PRR5L: variants seen among roughly 807,000 people sequenced by gnomAD.
PRR5L encodes proline rich 5 like, also known as proline-rich protein 5-like.
Under a neutral mutation model 36.4 loss-of-function variants are expected in PRR5L, and 21 were observed. That is an observed-to-expected ratio of 0.58 (90% confidence interval 0.41 to 0.83). The LOEUF is 0.83. PRR5L is among the 40% of genes least tolerant of loss of function. The pLI is 0.00. For missense variants in PRR5L, 381 were observed against 473.3 expected (o/e 0.80, Z 1.81); for synonymous variants, 188 against 197.0 (o/e 0.95, Z 0.38).
rs116673908 is a variant in PRR5L, at chr11:36,415,346, C to T, written c.246-3909C>T. Among the ~76,000 whole-genome samples the T allele has an allele frequency of 4.3e-3, 652 of 152,276 alleles. 6 individuals are homozygous for T. The highest frequency in any genetic ancestry group is 0.015 in the African/African-American group (622 of 41,552). ...CAAGCTGGCTAAAGTGTTGTGTTGC[C>T]TTACGTAATTTCCAGCAACAACTTC... On this transcript the variant is annotated intron_variant, in intron 3 of 8. Coordinates refer to ENST00000530639, the MANE Select transcript of PRR5L (RefSeq NM_001160167.2).
At chr11:36,369,425 G>C (rs564988948) in intron 1 of PRR5L, among the ~76,000 whole-genome samples, 1 of 152,080 alleles carries the variant, frequency 6.6e-6, no homozygotes, top group African/African-American at 2.4e-5. Flanking sequence ...CCCAGGACCA[G>C]TCACCTGATA....
chr11:36,401,339 A>T, intron 2 of PRR5L, 54 bp downstream of exon 2: 1 of 1,558,970 alleles, frequency 6.4e-7, no homozygotes, highest in Non-Finnish European at 8.7e-7. Context: ...CATGGCAGGG[A>T]GGGAGGCATC....
chr11:36,351,316 AT>A (rs1203457411), intron 1 of PRR5L, among the ~76,000 whole-genome samples: 12 of 73,280 alleles, frequency 1.6e-4, no homozygotes, highest in African/African-American at 5.8e-4. Flanking sequence ...ATTTATATAT[AT>A]TTATAAATAT....
At chr11:36,430,243 C>G (rs779995530) in intron 4 of PRR5L, among the ~76,000 whole-genome samples, 1 of 152,044 alleles carries the variant, frequency 6.6e-6, no homozygotes, top group Non-Finnish European at 1.5e-5. Flanking sequence ...AACCCCGTCT[C>G]TACCAAAAAA....
intron 5 of PRR5L, among the ~76,000 whole-genome samples, chr11:36,432,948 G>A (rs1008620296): frequency 2.6e-5 from 4 of 152,092 alleles, no homozygotes; most frequent in Non-Finnish European, 4.4e-5. Flanking sequence ...CCAAGCCTTG[G>A]GAAGAATAGA....
intron 8 of PRR5L, among the ~76,000 whole-genome samples, chr11:36,458,307 A>T (rs1859107749): frequency 6.6e-6 from 1 of 152,196 alleles, no homozygotes; most frequent in African/African-American, 2.4e-5. Flanking sequence ...GGGCACTGCC[A>T]TCTAGAACCC....
At chr11:36,349,248 C>T (rs1856901515) in intron 1 of PRR5L, among the ~76,000 whole-genome samples, 2 of 138,450 alleles carry the variant, frequency 1.4e-5, no homozygotes, top group African/African-American at 5.4e-5. Context: ...TGCACCACTG[C>T]ACTCCAGCCT....
At chr11:36,334,178 G>T (rs370499155) in intron 1 of PRR5L, among the ~76,000 whole-genome samples, 1 of 152,308 alleles carries the variant, frequency 6.6e-6, no homozygotes, top group East Asian at 1.9e-4. Flanking sequence ...TGCAAAGGAG[G>T]CTGGGAAATG....
intron 1 of PRR5L, among the ~76,000 whole-genome samples, chr11:36,302,196 T>G (rs1856383923): frequency 6.6e-6 from 1 of 152,158 alleles, no homozygotes; most frequent in Admixed American, 6.5e-5. Flanking sequence ...AATCAGAATT[T>G]GATGCATGAG....
At chr11:36,413,700 T>TTTTTATTTTATTTTATTTTATTTTA (rs533226403) in intron 3 of PRR5L, among the ~76,000 whole-genome samples, 52 of 150,938 alleles carry the variant, frequency 3.4e-4, no homozygotes, top group African/African-American at 1.1e-3. Context: ...TTATTTCTAT[T>TTTTTATTTTATTTTATTTTATTTTA]TTTTATTTTA....
At chr11:36,301,568 C>T (rs894438312) in intron 1 of PRR5L, among the ~76,000 whole-genome samples, 16 of 152,014 alleles carry the variant, frequency 1.1e-4, no homozygotes, top group African/African-American at 3.9e-4. Flanking sequence ...GTGTAGGGGG[C>T]CGAGGACCCT....
At chr11:36,462,006 T>C (rs563892127) in intron 8 of PRR5L, among the ~76,000 whole-genome samples, 17 of 152,238 alleles carry the variant, frequency 1.1e-4, no homozygotes, top group African/African-American at 3.9e-4. Context: ...AGGACATTGA[T>C]TGAAAGGGAA....
intron 1 of PRR5L, among the ~76,000 whole-genome samples, chr11:36,382,167 A>G (rs1463342056): frequency 6.6e-6 from 1 of 152,164 alleles, no homozygotes; most frequent in Non-Finnish European, 1.5e-5. Context: ...CAAACAAAAG[A>G]AAACCTCCCC....
intron 4 of PRR5L, among the ~76,000 whole-genome samples, chr11:36,419,544 C>T (rs149359107): frequency 5.9e-5 from 9 of 152,270 alleles, no homozygotes; most frequent in Non-Finnish European, 7.4e-5. Context: ...CCTTTACACT[C>T]GTAAAACGTA....
chr11:36,447,661 T>C (rs965803126), intron 7 of PRR5L, among the ~76,000 whole-genome samples: 46 of 152,180 alleles, frequency 3.0e-4, no homozygotes, highest in African/African-American at 1.1e-3. Flanking sequence ...ATGTCAGGCA[T>C]TGGGGCCCCA....
chr11:36,440,730 T>C (rs945578124), intron 6 of PRR5L, among the ~76,000 whole-genome samples: 4 of 152,202 alleles, frequency 2.6e-5, no homozygotes, highest in Non-Finnish European at 5.9e-5. Flanking sequence ...GTTTGGCTCA[T>C]GGTTCTGTAG....
intron 1 of PRR5L, among the ~76,000 whole-genome samples, chr11:36,313,412 G>A (rs1351377639): frequency 2.0e-5 from 3 of 152,170 alleles, no homozygotes; most frequent in African/African-American, 7.2e-5. Flanking sequence ...GGCTCAAAGA[G>A]TTATGTATGT....
At chr11:36,391,755 G>A (rs1312325386) in intron 1 of PRR5L, among the ~76,000 whole-genome samples, 3 of 152,192 alleles carry the variant, frequency 2.0e-5, no homozygotes, top group Admixed American at 6.5e-5. Context: ...GTACAGGCAT[G>A]CAATGCATAA....
intron 3 of PRR5L, among the ~76,000 whole-genome samples, chr11:36,411,975 C>G (rs545120775): frequency 3.3e-5 from 5 of 152,304 alleles, no homozygotes; most frequent in African/African-American, 1.2e-4. Context: ...CCAAGCCTTG[C>G]TGTGGGCCAG....
Sources: gnomAD v4.1 joint callset for allele counts (sites outside exome capture counted in the v4.1 genomes callset) on GRCh38, gnomAD v4.1.1 for gene constraint, MANE v1.5 for transcripts, NCBI Gene and HGNC (gene_info 2026-07-23, HGNC 2026-07-21) for gene names.